The following CPLANE1 variants were observed in gnomAD, a reference collection of about 807,000 sequenced individuals.
CPLANE1 encodes the protein ciliogenesis and planar polarity effector complex subunit 1.
In CPLANE1, 263 loss-of-function variants were observed where a neutral mutation model predicts 362.5. The observed-to-expected ratio is 0.73, with a 90% CI of 0.66 to 0.80. The LOEUF (loss-of-function observed/expected upper bound fraction) is 0.80, where lower values mean the gene tolerates loss of function less well. Ranked by LOEUF, CPLANE1 falls within the 30% of genes least tolerant of loss-of-function variation. CPLANE1 has a pLI of 0.00. For missense variants in CPLANE1, 3,461 were observed against 3,793.4 expected (o/e 0.91, Z 2.30); for synonymous variants, 1,212 against 1,302.6 (o/e 0.93, Z 1.50).
At chr5:37,157,533 G>T in intron 40 of CPLANE1, 113 bp from the exon 41 acceptor site, 1 of 1,120,086 alleles carries the variant, frequency 8.9e-7, no homozygotes, top group Non-Finnish European at 1.3e-6. Flanking sequence ...AAGATTAACA[G>T]AACATTTCTG....
In CPLANE1 at chr5:37,170,156, C is replaced by G; in HGVS notation, c.6347G>C (p.Arg2116Thr). Residue 2116 changes from arginine to threonine, a missense_variant, in exon 33 of 53, where the codon AGA becomes ACA. Coordinates refer to ENST00000651892, the MANE Select transcript of CPLANE1 (RefSeq NM_001384732.1). ...VEDSNKNLKERFFIKPQSMGE... is the reference protein window; with the variant it reads ...VEDSNKNLKETFFIKPQSMGE... ...CATTGACTGTGGTTTAATAAAAAAT[C>G]TCTCCTTAAGATTTTTGTTGCTGTC... is the stretch of plus-strand genomic sequence containing the variant. The G allele has an allele frequency of 6.2e-7, 1 of 1,614,164 alleles. No individual in the cohort carries two copies. The highest frequency in any genetic ancestry group is 8.5e-7 in the Non-Finnish European group (1 of 1,180,018).
At chr5:37,170,463 A>C in intron 32 of CPLANE1, 132 bp from the exon 33 acceptor site, 3 of 968,986 alleles carry the variant, frequency 3.1e-6, no homozygotes, top group Non-Finnish European at 4.4e-6. Context: ...ATGAATGCTG[A>C]GCAGGAGGCA....
chr5:37,239,009 A>T (rs766936983), intron 7 of CPLANE1, 49 bp from the exon 8 acceptor site: 2 of 920,518 alleles, frequency 2.2e-6, no homozygotes, highest in East Asian at 2.7e-5. Flanking sequence ...ATTTTACTGT[A>T]ACCATTATTT....
rs35522666 is a variant in CPLANE1 at position 37,154,459 on chromosome 5, C to CTTTTTTTTTTTTTTTT, written c.8120-482_8120-467dup. ...TTCTTCTCCCAAATTTGCAATAGTT[C>CTTTTTTTTTTTTTTTT]TTTTTTTTTTTTTTTTTTTTTTTTA... On this transcript the variant is annotated intron_variant, in intron 41 of 52. Coordinates refer to ENST00000651892, the MANE Select transcript of CPLANE1 (RefSeq NM_001384732.1). Among the ~76,000 whole-genome samples, 537 of 84,536 alleles carry CTTTTTTTTTTTTTTTT rather than the reference C, an allele frequency of 6.4e-3. 82 individuals are homozygous for CTTTTTTTTTTTTTTTT. The highest frequency in any genetic ancestry group is 0.021 in the African/African-American group (367 of 17,618). The allele number at this position is 84,536 out of a possible 152,430, so 55.5% of individuals were successfully genotyped here.
intron 44 of CPLANE1, chr5:37,140,107 T>C (rs17315781): frequency 0.066 from 59,513 of 897,722 alleles, 2,222 homozygotes; most frequent in Non-Finnish European, 0.074. Flanking sequence ...ATTAACTATA[T>C]GTCTTCAGAG....
In CPLANE1 at chr5:37,139,331, G is replaced by T; in HGVS notation, c.8663+9C>A. 1 of 1,319,310 alleles carries T rather than the reference G, an allele frequency of 7.6e-7. No individual in the cohort carries two copies. Among genetic ancestry groups the T allele is most frequent in the Non-Finnish European group, 1.0e-6 (1 of 963,938 alleles). 81.7% of individuals were successfully genotyped at this position (1,319,310 alleles called of 1,614,324 possible). On this transcript the variant is annotated intron_variant, in intron 45 of 52. Coordinates refer to ENST00000651892, the MANE Select transcript of CPLANE1 (RefSeq NM_001384732.1). ...AAGAAAATTGTGAATTAACTCTTAA[G>T]ATATTTACCTCTCACACAATTCATC...
intron 30 of CPLANE1, among the ~76,000 whole-genome samples, chr5:37,177,350 C>T (rs1032278745): frequency 1.1e-4 from 16 of 152,088 alleles, no homozygotes; most frequent in African/African-American, 3.9e-4. Flanking sequence ...GCTAAATAAG[C>T]TTTGGCCTAT....
Position 37,198,682 on chromosome 5 carries a change from T to C in CPLANE1, c.3672+20A>G. On this transcript the variant is annotated intron_variant, in intron 20 of 52. Coordinates refer to ENST00000651892, the MANE Select transcript of CPLANE1 (RefSeq NM_001384732.1). ...AATTTCAGTTAACACAGCATGTAAATGACTAAGATATTTCCATACCTTCTG... is the reference window on the plus strand; with the variant it reads ...AATTTCAGTTAACACAGCATGTAAACGACTAAGATATTTCCATACCTTCTG... 3.1e-6 allele frequency: 5 copies of C among 1,602,218 alleles called. No individual in the cohort carries two copies. The highest frequency in any genetic ancestry group is 1.1e-5 in the South Asian group (1 of 89,300).
Position 37,167,043 on chromosome 5 carries a change from T to G in CPLANE1, c.7400+4A>C. 1 of 1,602,460 alleles carries G rather than the reference T, an allele frequency of 6.2e-7. No individual in the cohort carries two copies. The highest frequency in any genetic ancestry group is 8.5e-7 in the Non-Finnish European group (1 of 1,175,814). ...TATCAAATAAAATTTCACTTAAGCC[T>G]TGCCTTTTTTTACTGTCCTTTCCTT... On this transcript the variant is annotated splice_donor_region_variant and intron_variant, in intron 35 of 52. Transcript: ENST00000651892.
At chr5:37,190,669 AAC>A (rs1245871536) in intron 21 of CPLANE1, among the ~76,000 whole-genome samples, 6 of 152,234 alleles carry the variant, frequency 3.9e-5, no homozygotes, top group Admixed American at 1.3e-4. Context: ...TGGGATAGAT[AAC>A]ATAGTCAGAT....
intron 19 of CPLANE1, among the ~76,000 whole-genome samples, chr5:37,200,972 T>G (rs1291150773): frequency 6.6e-6 from 1 of 152,082 alleles, no homozygotes; most frequent in Non-Finnish European, 1.5e-5. Context: ...TACAGGCACA[T>G]GCCACGATGC....
At chr5:37,078,528 T>C in the CPLANE1 span, among the ~76,000 whole-genome samples, 3 of 152,184 alleles carry the variant, frequency 2.0e-5, no homozygotes, top group African/African-American at 7.2e-5. Context: ...CATGTATCTT[T>C]ATAATAGAAT....
chr5:37,236,666 G>A (rs1352691983), intron 8 of CPLANE1, among the ~76,000 whole-genome samples: 2 of 150,996 alleles, frequency 1.3e-5, no homozygotes, highest in Non-Finnish European at 2.9e-5. Context: ...TGCACACTAT[G>A]TGTCTGACAA....
the CPLANE1 span, among the ~76,000 whole-genome samples, chr5:37,097,342 T>C: frequency 6.6e-5 from 10 of 151,210 alleles, no homozygotes; most frequent in African/African-American, 2.2e-4. Flanking sequence ...AAAAAAACCA[T>C]GAAAAAGAAC....
chr5:37,099,520 C>T, the CPLANE1 span, among the ~76,000 whole-genome samples: 1 of 152,176 alleles, frequency 6.6e-6, no homozygotes, highest in Non-Finnish European at 1.5e-5. Context: ...ATATGTACTA[C>T]ATTTTCTCTA....
At chr5:37,138,896 T>C in intron 45 of CPLANE1, 48 bp from the exon 46 acceptor site, 2 of 1,505,880 alleles carry the variant, frequency 1.3e-6, no homozygotes, top group Non-Finnish European at 1.8e-6. Flanking sequence ...TATCTACAAC[T>C]TAATTACATT....
At chr5:37,120,467 G>C (rs1579875377) in intron 49 of CPLANE1, 127 bp from the exon 50 acceptor site, 6 of 704,672 alleles carry the variant, frequency 8.5e-6, no homozygotes, top group Non-Finnish European at 1.3e-5. Context: ...CTACTGGCGA[G>C]GGTGGGACAG....
intron 12 of CPLANE1, 142 bp downstream of exon 12, chr5:37,226,162 C>A: frequency 1.8e-6 from 1 of 559,832 alleles, no homozygotes; most frequent in Non-Finnish European, 2.8e-6. Context: ...AATAGTTTCA[C>A]AACCTTATAA....
chr5:37,232,839 CAAAAAAAAAA>C (rs765038993), intron 8 of CPLANE1, among the ~76,000 whole-genome samples: 69 of 62,030 alleles, frequency 1.1e-3, no homozygotes, highest in African/African-American at 3.2e-3. Flanking sequence ...GACCTTGTTG[CAAAAAAAAAA>C]AAAAAAAAAA....
Sources: allele counts gnomAD v4.1 joint callset (sites outside exome capture counted in the v4.1 genomes callset), GRCh38; gene constraint gnomAD v4.1.1; transcripts MANE v1.5; gene names NCBI Gene and HGNC (gene_info 2026-07-23, HGNC 2026-07-21).